Variants in SPINK13 observed in about 807,000 individuals in gnomAD.
SPINK13 encodes serine protease inhibitor Kazal-type 13.
Under a neutral mutation model 11.0 loss-of-function variants are expected in SPINK13, and 11 were observed. The ratio of observed to expected loss-of-function variants is 1.00; its 90% CI spans 0.63 to 1.65. The LOEUF is 1.65. SPINK13 is among the 40% of genes most tolerant of loss of function. The probability of loss-of-function intolerance (pLI) is 0.00; values close to 1 mark genes in which losing one functional copy is unlikely to be tolerated. For missense variants in SPINK13, 113 were observed against 117.7 expected (o/e 0.96, Z 0.19); for synonymous variants, 31 against 35.6 (o/e 0.87, Z 0.46).
chr5:148,282,135 C>CT lies in SPINK13; in HGVS notation c.141dup (p.Asp48Ter). 1 of 1,614,198 alleles carries CT rather than the reference C, an allele frequency of 6.2e-7. No homozygotes were observed. On this transcript the variant is annotated frameshift_variant, in exon 4 of 5. Transcript: ENST00000398450. LOFTEE classifies it high-confidence loss of function. ...TGTAAAATGTATATCCCACTGGACC[C>CT]TGATTACAATGCAGACTGCCCCAAT... is the stretch of plus-strand genomic sequence containing the variant.
intron 3 of SPINK13, among the ~76,000 whole-genome samples, chr5:148,279,271 C>T (rs558984689): frequency 1.3e-5 from 2 of 151,794 alleles, no homozygotes; most frequent in Non-Finnish European, 2.9e-5. Flanking sequence ...GCATTTAGCC[C>T]ATTTACATTT....
rs531496848 is a variant in SPINK13, at chr5:148,269,917, C to T, written c.-33-123C>T. 5.7e-6 allele frequency: 3 copies of T among 530,214 alleles called. No individual in the cohort carries two copies. In the South Asian group the frequency reaches 1.8e-4, roughly 32 times the overall value. 32.8% of individuals were successfully genotyped at this position (530,214 alleles called of 1,614,324 possible). On this transcript the variant is annotated intron_variant, in intron 1 of 4. Transcript: ENST00000398450. ...CTCTCAGGCCTGAGTTCCTGGAGACCAGGTCAGTATAAATCACCAGGGCAA... is the reference window on the plus strand; with the variant it reads ...CTCTCAGGCCTGAGTTCCTGGAGACTAGGTCAGTATAAATCACCAGGGCAA...
chr5:148,272,995 C>T (rs1490190383), intron 2 of SPINK13, among the ~76,000 whole-genome samples: 1 of 152,146 alleles, frequency 6.6e-6, no homozygotes, highest in Non-Finnish European at 1.5e-5. Context: ...GAACCTCTTT[C>T]TCAACAGCTA....
At chr5:148,284,157 TC>T (rs373887501) in intron 4 of SPINK13, among the ~76,000 whole-genome samples, 6,723 of 149,358 alleles carry the variant, frequency 0.045, 418 homozygotes, top group African/African-American at 0.13. Flanking sequence ...CTTCCTTCTT[TC>T]CTTCCTTCCT....
chr5:148,280,758 G>A (rs1206242363), intron 3 of SPINK13, among the ~76,000 whole-genome samples: 3 of 152,218 alleles, frequency 2.0e-5, no homozygotes, highest in Non-Finnish European at 4.4e-5. Flanking sequence ...GAGGCACGGG[G>A]GTCAGGGACC....
chr5:148,282,308 T>C (rs1756528327), intron 4 of SPINK13, 77 bp downstream of exon 4: 2 of 1,570,840 alleles, frequency 1.3e-6, no homozygotes. Flanking sequence ...AGTCAAGGAA[T>C]TGGGTTTTAC....
At chr5:148,280,882 C>A (rs763321034) in intron 3 of SPINK13, among the ~76,000 whole-genome samples, 1 of 152,214 alleles carries the variant, frequency 6.6e-6, no homozygotes, top group Non-Finnish European at 1.5e-5. Context: ...GACGCACCCA[C>A]AGCTGCCCCT....
chr5:148,269,142 G>C (rs181014495), intron 1 of SPINK13: 1 of 152,152 alleles, frequency 6.6e-6, no homozygotes, highest in Non-Finnish European at 1.5e-5. Context: ...GACGGGGAAG[G>C]TATCTTCTCC....
intron 4 of SPINK13, among the ~76,000 whole-genome samples, chr5:148,283,332 G>A (rs528928289): frequency 6.6e-6 from 1 of 152,288 alleles, no homozygotes; most frequent in South Asian, 2.1e-4. Context: ...AACAACAGGT[G>A]TTCATTATAA....
intron 3 of SPINK13, among the ~76,000 whole-genome samples, chr5:148,278,497 A>G (rs1260317441): frequency 6.6e-6 from 1 of 152,156 alleles, no homozygotes; most frequent in African/African-American, 2.4e-5. Flanking sequence ...TTCAAAGAAT[A>G]TCTTTATTTT....
intron 3 of SPINK13, among the ~76,000 whole-genome samples, chr5:148,277,487 G>A (rs1249345615): frequency 6.6e-6 from 1 of 152,186 alleles, no homozygotes; most frequent in Non-Finnish European, 1.5e-5. Context: ...TTAGCATGAA[G>A]GGGTGTTGAA....
intron 2 of SPINK13, 32 bp from the exon 3 acceptor site, chr5:148,274,314 CT>C: frequency 6.4e-7 from 1 of 1,570,846 alleles, no homozygotes; most frequent in Non-Finnish European, 8.8e-7. Flanking sequence ...GAACTATTTC[CT>C]TTAACTTACT....
intron 3 of SPINK13, among the ~76,000 whole-genome samples, chr5:148,280,840 G>A (rs1581167840): frequency 6.6e-6 from 1 of 152,216 alleles, no homozygotes; most frequent in South Asian, 2.1e-4. Flanking sequence ...TCTTTTTAGA[G>A]CCAGCAGGCA....
At chr5:148,279,091 CTTTTTTTTTTTT>C (rs746029113) in intron 3 of SPINK13, among the ~76,000 whole-genome samples, 1 of 51,658 alleles carries the variant, frequency 1.9e-5, no homozygotes, top group Non-Finnish European at 3.6e-5. Flanking sequence ...GCAACCCCTG[CTTTTTTTTTTTT>C]TTTTTTTTTT....
intron 3 of SPINK13, among the ~76,000 whole-genome samples, chr5:148,281,404 G>A (rs1241131247): frequency 6.6e-6 from 1 of 152,174 alleles, no homozygotes; most frequent in Non-Finnish European, 1.5e-5. Context: ...GAAACCCAGG[G>A]CCCTGGTGGT....
intron 4 of SPINK13, 42 bp from the exon 5 acceptor site, chr5:148,285,958 T>C: frequency 8.1e-7 from 1 of 1,233,420 alleles, no homozygotes; most frequent in South Asian, 1.4e-5. Flanking sequence ...CAATGTTCAC[T>C]TTCCTTATGA....
At chr5:148,279,566 T>A (rs1367349845) in intron 3 of SPINK13, among the ~76,000 whole-genome samples, 2 of 152,218 alleles carry the variant, frequency 1.3e-5, no homozygotes, top group East Asian at 3.8e-4. Context: ...TATGAAATTC[T>A]GGGTTGAAAA....
In SPINK13 at chr5:148,270,030, A is replaced by C; in HGVS notation, c.-33-10A>C. 6.3e-7 allele frequency: 1 copy of C among 1,583,880 alleles called. No individual in the cohort carries two copies. The highest frequency in any genetic ancestry group is 8.7e-7 in the Non-Finnish European group (1 of 1,154,024). Reference sequence around the variant, plus strand: ...GGGGAAACTAAAAACAATCTTGGGCATGTTCACAGGCCTTATCAAAGAAGA... The same window carrying C: ...GGGGAAACTAAAAACAATCTTGGGCCTGTTCACAGGCCTTATCAAAGAAGA... On this transcript the variant is annotated splice_polypyrimidine_tract_variant and intron_variant, in intron 1 of 4. Coordinates refer to ENST00000398450, the MANE Select transcript of SPINK13 (RefSeq NM_001040129.3).
intron 2 of SPINK13, among the ~76,000 whole-genome samples, chr5:148,273,088 G>A (rs550858483): frequency 2.0e-5 from 3 of 152,210 alleles, no homozygotes; most frequent in East Asian, 3.9e-4. Context: ...TTCCTTTAGA[G>A]ATTTAAGGGT....
Sources: gnomAD v4.1 joint callset for allele counts (sites outside exome capture counted in the v4.1 genomes callset) on GRCh38, gnomAD v4.1.1 for gene constraint, MANE v1.5 for transcripts, NCBI Gene and HGNC (gene_info 2026-07-23, HGNC 2026-07-21) for gene names.